The following CCDC178 variants were observed in gnomAD, a reference collection of about 807,000 sequenced individuals.
CCDC178 encodes coiled-coil domain-containing protein 178.
In CCDC178, 126 loss-of-function variants were observed where a neutral mutation model predicts 117.4. The observed-to-expected ratio is 1.07, with a 90% confidence interval of 0.93 to 1.24. CCDC178 has a LOEUF of 1.24. Among genes scored for constraint, CCDC178 ranks in the 50% most tolerant of loss-of-function variants. The probability of loss-of-function intolerance (pLI) is 0.00; values close to 1 mark genes in which losing one functional copy is unlikely to be tolerated. For synonymous variants in CCDC178, 283 were observed against 313.4 expected (o/e 0.90, Z 1.02); for missense variants, 1,030 against 986.9 (o/e 1.04, Z -0.59).
At chr18:33,021,277 T>C (rs1333092613) in intron 21 of CCDC178, among the ~76,000 whole-genome samples, 1 of 152,248 alleles carries the variant, frequency 6.6e-6, no homozygotes, top group Non-Finnish European at 1.5e-5. Context: ...CAGTTCTCAA[T>C]GGCATGACTG....
intron 2 of CCDC178, among the ~76,000 whole-genome samples, chr18:33,434,270 C>T (rs2064260081): frequency 1.3e-5 from 2 of 152,028 alleles, no homozygotes; most frequent in Non-Finnish European, 2.9e-5. Context: ...GTGTAGCCAT[C>T]TGGAGAATAA....
rs374322134 is a variant in CCDC178, at chr18:33,068,123, A to C, written c.2388+24638T>G. On this transcript the variant is annotated intron_variant, in intron 21 of 22. Transcript: ENST00000383096. Reference sequence around the variant, plus strand: ...AACCTACTAGATTGAAACAGGAAGAAATAGAAAACGTGAACAGATCAATAA... The same window carrying C: ...AACCTACTAGATTGAAACAGGAAGACATAGAAAACGTGAACAGATCAATAA... 4.6e-5 allele frequency among the ~76,000 whole-genome samples: 7 copies of C among 152,282 alleles called. No individual in the cohort carries two copies. The East Asian group carries it at 1.2e-3, about 25-fold the overall frequency.
chr18:33,101,563 G>A (rs1185268324), intron 20 of CCDC178, among the ~76,000 whole-genome samples: 1 of 151,874 alleles, frequency 6.6e-6, no homozygotes, highest in East Asian at 1.9e-4. Flanking sequence ...GTGATGCAGA[G>A]AATTAATGTG....
At chr18:33,235,294 C>G (rs1171133849) in intron 15 of CCDC178, among the ~76,000 whole-genome samples, 1 of 152,068 alleles carries the variant, frequency 6.6e-6, no homozygotes, top group Admixed American at 6.6e-5. Flanking sequence ...ACCCCCACCC[C>G]CAGTATGATT....
chr18:33,174,437 C>A (rs1303521248), intron 20 of CCDC178, among the ~76,000 whole-genome samples: 1 of 152,128 alleles, frequency 6.6e-6, no homozygotes, highest in Admixed American at 6.5e-5. Flanking sequence ...CCATTTGATT[C>A]CAGAGCATGG....
At chr18:33,138,133 T>C (rs533515441) in intron 20 of CCDC178, among the ~76,000 whole-genome samples, 11 of 152,338 alleles carry the variant, frequency 7.2e-5, no homozygotes, top group South Asian at 2.1e-4. Flanking sequence ...CCAAACATTA[T>C]TGGTAAATGT....
chr18:33,374,970 G>A (rs1282415191), intron 5 of CCDC178, among the ~76,000 whole-genome samples: 1 of 152,144 alleles, frequency 6.6e-6, no homozygotes, highest in Non-Finnish European at 1.5e-5. Flanking sequence ...AATCTTGTCT[G>A]TAGAGGGGGC....
chr18:33,133,781 C>A (rs1427670735), intron 20 of CCDC178, among the ~76,000 whole-genome samples: 1 of 151,900 alleles, frequency 6.6e-6, no homozygotes, highest in Admixed American at 6.6e-5. Flanking sequence ...GATTGCAAGG[C>A]TGTATTCTTA....
intron 3 of CCDC178, among the ~76,000 whole-genome samples, chr18:33,409,186 G>C (rs1052430012): frequency 1.3e-5 from 2 of 152,024 alleles, no homozygotes; most frequent in Non-Finnish European, 2.9e-5. Context: ...TTGGTTCAAG[G>C]GATCCTCCTA....
In CCDC178 at chr18:33,300,485, G is replaced by A. The variant is rs565533191; in HGVS notation, c.1023-7173C>T. 1.4e-3 allele frequency among the ~76,000 whole-genome samples: 218 copies of A among 152,302 alleles called. 1 individual carries two copies. The highest frequency in any genetic ancestry group is 3.4e-3 in the Middle Eastern group (1 of 294). On this transcript the variant is annotated intron_variant, in intron 11 of 22. Transcript: ENST00000383096. ...AGCTCAGAAGAAGACAGGAAGGTGA[G>A]AGAAGGTTTGGAACTTCTAAGATAC...
At chr18:33,104,189 T>G (rs967040722) in intron 20 of CCDC178, among the ~76,000 whole-genome samples, 11 of 151,718 alleles carry the variant, frequency 7.3e-5, no homozygotes, top group Non-Finnish European at 1.3e-4. Flanking sequence ...GATATCTAGA[T>G]CTTCCAGGTT....
At chr18:33,424,412 T>C (rs573378240) in intron 2 of CCDC178, among the ~76,000 whole-genome samples, 1 of 152,320 alleles carries the variant, frequency 6.6e-6, no homozygotes, top group East Asian at 1.9e-4. Flanking sequence ...ATTCAAGGAA[T>C]AGGCCAAGGC....
At position 33,406,983 on chromosome 18, in the gene CCDC178, A is replaced by T. The variant is rs188832298; in HGVS notation, c.58+5048T>A. On this transcript the variant is annotated intron_variant, in intron 3 of 22. Coordinates refer to ENST00000383096, the MANE Select transcript of CCDC178 (RefSeq NM_001105528.4). Reference sequence around the variant, plus strand: ...CGTGTTTACGGGATATGGCTCCCTGAAAAACATCATGTTAACTATTAAACT... The same window carrying T: ...CGTGTTTACGGGATATGGCTCCCTGTAAAACATCATGTTAACTATTAAACT... Among the ~76,000 whole-genome samples, 677 of 152,290 alleles carry T rather than the reference A, an allele frequency of 4.4e-3. 16 individuals carry two copies. The highest frequency in any genetic ancestry group is 0.029 in the Admixed American group (450 of 15,286).
rs532862329 is a variant in CCDC178, at chr18:33,254,477, G to A, written c.1410-9049C>T. Among the ~76,000 whole-genome samples, 5 of 152,036 alleles carry A rather than the reference G, an allele frequency of 3.3e-5. 1 individual carries two copies. Among genetic ancestry groups the A allele is most frequent in the Admixed American group, 2.6e-4 (4 of 15,240 alleles). On this transcript the variant is annotated intron_variant, in intron 14 of 22. Transcript: ENST00000383096. ...TTATATGTCAACAGCTGTGCTAGGTGACTGAGATATGAAGATAAATGGAAA... is the reference window on the plus strand; with the variant it reads ...TTATATGTCAACAGCTGTGCTAGGTAACTGAGATATGAAGATAAATGGAAA...
At chr18:33,330,375 C>G (rs1387552802) in intron 10 of CCDC178, among the ~76,000 whole-genome samples, 1 of 152,092 alleles carries the variant, frequency 6.6e-6, no homozygotes, top group Non-Finnish European at 1.5e-5. Context: ...TGTACACCCA[C>G]AGTGGATGGT....
intron 22 of CCDC178, among the ~76,000 whole-genome samples, chr18:32,960,479 T>C (rs2054684574): frequency 1.3e-5 from 2 of 152,248 alleles, no homozygotes; most frequent in East Asian, 1.9e-4. Flanking sequence ...TAGAGTAGAT[T>C]TGGTTACATC....
chr18:33,160,635 G>C (rs1440719495), intron 20 of CCDC178, among the ~76,000 whole-genome samples: 3 of 151,894 alleles, frequency 2.0e-5, no homozygotes, highest in Non-Finnish European at 4.4e-5. Flanking sequence ...CTGGGCTCGG[G>C]GTTTATTTCC....
chr18:33,362,578 T>C (rs2144733093), intron 6 of CCDC178, among the ~76,000 whole-genome samples: 1 of 152,052 alleles, frequency 6.6e-6, no homozygotes, highest in Admixed American at 6.6e-5. Context: ...AGGATGTCAC[T>C]ATGTGAAATA....
intron 20 of CCDC178, among the ~76,000 whole-genome samples, chr18:33,121,027 C>A (rs2057929887): frequency 6.6e-6 from 1 of 152,072 alleles, no homozygotes; most frequent in Admixed American, 6.6e-5. Context: ...ACGAGGTGGA[C>A]TGTGACTGAT....
Sources: allele counts gnomAD v4.1 joint callset (sites outside exome capture counted in the v4.1 genomes callset), GRCh38; gene constraint gnomAD v4.1.1; transcripts MANE v1.5; gene names NCBI Gene and HGNC (gene_info 2026-07-23, HGNC 2026-07-21).